WWOX: variants seen among roughly 807,000 people sequenced by gnomAD.
The protein encoded by WWOX is WW domain-containing oxidoreductase.
Under a neutral mutation model 46.2 loss-of-function variants are expected in WWOX, and 69 were observed. The observed-to-expected ratio is 1.49, with a 90% CI of 1.23 to 1.82. WWOX has a LOEUF of 1.82. Among genes scored for constraint, WWOX ranks in the 40% most tolerant of loss-of-function variants. WWOX has a pLI of 0.00. For missense variants in WWOX, 919 were observed against 542.6 expected (o/e 1.69, Z -6.89); for synonymous variants, 359 against 202.6 (o/e 1.77, Z -6.56).
chr16:78,760,070 G>A (rs1206570981), intron 8 of WWOX, among the ~76,000 whole-genome samples: 1 of 152,100 alleles, frequency 6.6e-6, no homozygotes, highest in Non-Finnish European at 1.5e-5. Context: ...ACCCAAAACT[G>A]GGTAATTTAT....
At chr16:79,024,784 C>G (rs1567494614) in intron 8 of WWOX, among the ~76,000 whole-genome samples, 1 of 152,096 alleles carries the variant, frequency 6.6e-6, no homozygotes, top group African/African-American at 2.4e-5. Context: ...GTTTTCCAAG[C>G]TGATCTCAAA....
intron 8 of WWOX, among the ~76,000 whole-genome samples, chr16:79,130,170 T>G (rs1386007640): frequency 6.6e-6 from 1 of 152,202 alleles, no homozygotes; most frequent in African/African-American, 2.4e-5. Context: ...CTGGTGGAGT[T>G]GGGATTTCAA....
intron 5 of WWOX, chr16:78,278,711 T>A (rs1567475034): frequency 6.6e-7 from 1 of 1,516,666 alleles, no homozygotes; most frequent in Non-Finnish European, 9.1e-7. Context: ...ACATCTTCTT[T>A]TGTGGGTATT....
At chr16:78,202,811 G>A (rs2036274894) in intron 5 of WWOX, among the ~76,000 whole-genome samples, 1 of 110,834 alleles carries the variant, frequency 9.0e-6, no homozygotes, top group South Asian at 3.0e-4. Flanking sequence ...TTGCCTGGTG[G>A]GTTTTTTTTT....
At chr16:78,243,933 C>T (rs146745950) in intron 5 of WWOX, among the ~76,000 whole-genome samples, 1,718 of 152,286 alleles carry the variant, frequency 0.011, 38 homozygotes, top group African/African-American at 0.04. Context: ...TTTCTCTTCC[C>T]GCATTAATTC....
chr16:78,683,042 G>T (rs1046051168), intron 8 of WWOX, among the ~76,000 whole-genome samples: 1 of 152,148 alleles, frequency 6.6e-6, no homozygotes. Context: ...TACCTTTGGT[G>T]GGGTAGGAAG....
intron 8 of WWOX, among the ~76,000 whole-genome samples, chr16:78,956,967 G>T (rs2046179933): frequency 6.6e-6 from 1 of 152,084 alleles, no homozygotes; most frequent in East Asian, 1.9e-4. Flanking sequence ...CCAGTACGTG[G>T]GTATCTTCGG....
At chr16:78,895,039 T>C (rs1250521888) in intron 8 of WWOX, among the ~76,000 whole-genome samples, 2 of 152,214 alleles carry the variant, frequency 1.3e-5, no homozygotes, top group African/African-American at 2.4e-5. Flanking sequence ...GAACTCTATG[T>C]CTTATCTTGG....
At chr16:78,257,791 C>G (rs760453673) in intron 5 of WWOX, among the ~76,000 whole-genome samples, 11 of 152,180 alleles carry the variant, frequency 7.2e-5, no homozygotes, top group Non-Finnish European at 1.6e-4. Context: ...TGATAACTTT[C>G]AAAACTCTTA....
rs79631131 is a variant in WWOX, at chr16:79,016,048, C to G, written c.1057-195560C>G. 5.2e-3 allele frequency: 792 copies of G among 152,284 alleles called. 2 individuals carry two copies. The highest frequency in any genetic ancestry group is 8.6e-3 in the Admixed American group (132 of 15,300). 9.4% of individuals were successfully genotyped at this position (152,284 alleles called of 1,614,324 possible). On this transcript the variant is annotated intron_variant, in intron 8 of 8. Coordinates refer to ENST00000566780, the MANE Select transcript of WWOX (RefSeq NM_016373.4). ...ACAGACGTAAGTCACCACGCCTGGC[C>G]TGATCCTGACTTAGTTACGGTTACC...
chr16:78,655,640 G>A (rs2047063828), intron 8 of WWOX, among the ~76,000 whole-genome samples: 1 of 152,150 alleles, frequency 6.6e-6, no homozygotes, highest in Non-Finnish European at 1.5e-5. Flanking sequence ...AATTGGGTTT[G>A]GAATTATACG....
chr16:78,777,917 T>C (rs1235562043), intron 8 of WWOX, among the ~76,000 whole-genome samples: 1 of 151,868 alleles, frequency 6.6e-6, no homozygotes, highest in Non-Finnish European at 1.5e-5. Flanking sequence ...TGGTGGCACA[T>C]ACCTGTAGTT....
At chr16:79,163,557 G>C (rs1386981202) in intron 8 of WWOX, among the ~76,000 whole-genome samples, 1 of 152,180 alleles carries the variant, frequency 6.6e-6, no homozygotes, top group Non-Finnish European at 1.5e-5. Context: ...CCAGCACTTT[G>C]GGAGGCCGAA....
chr16:78,767,335 G>C (rs766012819), intron 8 of WWOX, among the ~76,000 whole-genome samples: 1 of 151,580 alleles, frequency 6.6e-6, no homozygotes, highest in Non-Finnish European at 1.5e-5. Context: ...AGATTTTGCC[G>C]TGTTGCCCTG....
At position 78,511,222 on chromosome 16, in the gene WWOX, C is replaced by G. The variant is rs1466507259; in HGVS notation, c.1056+78470C>G. On this transcript the variant is annotated intron_variant, in intron 8 of 8. Transcript: ENST00000566780. The stretch of plus-strand genomic sequence containing the variant: ...AATGTAAAAGCAGCTGGTTACCTCC[C>G]CCTCCCCAGCGCACACATCACCTCC... Among the ~76,000 whole-genome samples, 4 of 152,334 alleles carry G rather than the reference C, an allele frequency of 2.6e-5. 1 individual carries two copies. Among genetic ancestry groups the G allele is most frequent in the African/African-American group, 9.6e-5 (4 of 41,578 alleles).
chr16:78,778,046 A>C, intron 8 of WWOX, among the ~76,000 whole-genome samples: 1 of 2,468 alleles, frequency 4.1e-4, no homozygotes, highest in East Asian at 3.0e-3. Flanking sequence ...CTCCATCTGA[A>C]AAAAAAAAAA....
intron 8 of WWOX, among the ~76,000 whole-genome samples, chr16:78,463,076 C>T (rs1217395918): frequency 1.3e-5 from 2 of 152,150 alleles, no homozygotes; most frequent in Non-Finnish European, 2.9e-5. Context: ...GAGGCAGGGG[C>T]AGGTCTTTGT....
At chr16:79,026,763 G>A (rs754499512) in intron 8 of WWOX, among the ~76,000 whole-genome samples, 3 of 148,014 alleles carry the variant, frequency 2.0e-5, no homozygotes, top group African/African-American at 5.1e-5. Flanking sequence ...GAGTACAGGC[G>A]ACTGCCACCA....
intron 8 of WWOX, among the ~76,000 whole-genome samples, chr16:78,990,776 C>G (rs1052228774): frequency 6.6e-6 from 1 of 152,160 alleles, no homozygotes; most frequent in Non-Finnish European, 1.5e-5. Flanking sequence ...ACAGTCAGAC[C>G]TGCCAGGATC....
Sources: gnomAD v4.1 joint callset for allele counts (sites outside exome capture counted in the v4.1 genomes callset) on GRCh38, gnomAD v4.1.1 for gene constraint, MANE v1.5 for transcripts, NCBI Gene and HGNC (gene_info 2026-07-23, HGNC 2026-07-21) for gene names.